The following DTNA variants were observed in gnomAD, a reference collection of about 807,000 sequenced individuals.
DTNA encodes dystrobrevin alpha.
Under a neutral mutation model 100.7 loss-of-function variants are expected in DTNA, and 43 were observed. That is an observed-to-expected ratio of 0.43 (90% CI 0.33 to 0.55). The LOEUF is 0.55. Ranked by LOEUF, DTNA falls within the 20% of genes least tolerant of loss-of-function variation. The probability of loss-of-function intolerance (pLI) is 0.04; values close to 1 mark genes in which losing one functional copy is unlikely to be tolerated. For synonymous variants in DTNA, 349 were observed against 347.9 expected, an observed-to-expected ratio of 1.00 and a Z score of -0.04; for missense variants, 798 against 953.9, an observed-to-expected ratio of 0.84 and a Z score of 2.15.
intron 1 of DTNA, among the ~76,000 whole-genome samples, chr18:34,646,293 T>C (rs2059827622): frequency 6.6e-6 from 1 of 152,208 alleles, no homozygotes; most frequent in Non-Finnish European, 1.5e-5. Flanking sequence ...GAAATGGCAA[T>C]AAACTTATTT....
intron 1 of DTNA, among the ~76,000 whole-genome samples, chr18:34,517,112 C>T (rs1470574841): frequency 6.6e-6 from 1 of 152,094 alleles, no homozygotes; most frequent in African/African-American, 2.4e-5. Flanking sequence ...CAGCTGGTCC[C>T]TCTGTTCGGG....
intron 5 of DTNA, among the ~76,000 whole-genome samples, chr18:34,809,558 G>A (rs2095440063): frequency 1.3e-5 from 2 of 152,158 alleles, no homozygotes; most frequent in Admixed American, 6.5e-5. Context: ...GAATGTTTCA[G>A]GCTTGAGGGT....
At chr18:34,859,760 G>T (rs1019451460) in intron 16 of DTNA, among the ~76,000 whole-genome samples, 1 of 151,752 alleles carries the variant, frequency 6.6e-6, no homozygotes, top group Non-Finnish European at 1.5e-5. Flanking sequence ...AGATTCTGCC[G>T]CTGCATTTCA....
chr18:34,500,796 G>A (rs1244775823), intron 1 of DTNA, among the ~76,000 whole-genome samples: 7 of 152,070 alleles, frequency 4.6e-5, no homozygotes, highest in Non-Finnish European at 8.8e-5. Flanking sequence ...TCATAGTTGA[G>A]TATGTTAATG....
intron 3 of DTNA, among the ~76,000 whole-genome samples, chr18:34,793,188 A>G (rs573004250): frequency 3.9e-5 from 6 of 152,354 alleles, no homozygotes; most frequent in Admixed American, 2.6e-4. Flanking sequence ...TGGAACAGGG[A>G]ATGAGGATGG....
At chr18:34,699,399 A>T (rs985156710) in intron 1 of DTNA, among the ~76,000 whole-genome samples, 3 of 152,182 alleles carry the variant, frequency 2.0e-5, no homozygotes, top group Admixed American at 2.0e-4. Flanking sequence ...CAGACACTGT[A>T]ATTTTAACAG....
At chr18:34,659,061 C>T (rs889869957) in intron 1 of DTNA, among the ~76,000 whole-genome samples, 10 of 152,070 alleles carry the variant, frequency 6.6e-5, no homozygotes, top group Non-Finnish European at 1.3e-4. Context: ...AAAACACCTA[C>T]TGCCTTCCTA....
chr18:34,606,171 A>G (rs1278540498), intron 1 of DTNA, among the ~76,000 whole-genome samples: 3 of 152,094 alleles, frequency 2.0e-5, no homozygotes, highest in African/African-American at 7.2e-5. Flanking sequence ...GGGTATTTGC[A>G]TGCATTATTT....
intron 1 of DTNA, among the ~76,000 whole-genome samples, chr18:34,642,153 A>C (rs2059346155): frequency 6.6e-6 from 1 of 152,196 alleles, no homozygotes; most frequent in Non-Finnish European, 1.5e-5. Context: ...AAAGCAGCAG[A>C]GAGTCTGTGA....
intron 1 of DTNA, among the ~76,000 whole-genome samples, chr18:34,559,918 C>A (rs1397403004): frequency 6.6e-6 from 1 of 152,202 alleles, no homozygotes. Context: ...AAATATATTA[C>A]TTCCTGTTTT....
At chr18:34,706,313 T>G (rs1007001599), upstream of DTNA, among the ~76,000 whole-genome samples, 4 of 152,216 alleles carry the variant, frequency 2.6e-5, no homozygotes, top group Admixed American at 2.6e-4. Context: ...ATAGTTGAAT[T>G]ATAAGTGCTT....
chr18:34,714,820 A>G (rs1487135650), intron 1 of DTNA, among the ~76,000 whole-genome samples: 1 of 152,200 alleles, frequency 6.6e-6, no homozygotes, highest in Non-Finnish European at 1.5e-5. Flanking sequence ...ACGTCCAACA[A>G]TGATAGACTG....
chr18:34,588,630 TGAG>T (rs1278629388), intron 1 of DTNA, among the ~76,000 whole-genome samples: 3 of 151,760 alleles, frequency 2.0e-5, no homozygotes, highest in Non-Finnish European at 2.9e-5. Context: ...TCTTCAAAGA[TGAG>T]GAGGAGGGTG....
chr18:34,799,548 A>G (rs567822444), intron 4 of DTNA, among the ~76,000 whole-genome samples: 1 of 152,364 alleles, frequency 6.6e-6, no homozygotes, highest in Admixed American at 6.5e-5. Context: ...TTTATTATCT[A>G]TACAGCCAAG....
At chr18:34,796,803 T>G (rs1316201183) in intron 4 of DTNA, among the ~76,000 whole-genome samples, 2 of 152,158 alleles carry the variant, frequency 1.3e-5, no homozygotes. Flanking sequence ...TTCACTAGAC[T>G]CCCAGGTAGT....
At chr18:34,615,066 A>G (rs1039838244) in intron 1 of DTNA, among the ~76,000 whole-genome samples, 1 of 152,208 alleles carries the variant, frequency 6.6e-6, no homozygotes, top group Admixed American at 6.5e-5. Context: ...ATAAGAAAAG[A>G]GGTTTAATTG....
At chr18:34,701,965 A>T (rs769955940) in intron 1 of DTNA, among the ~76,000 whole-genome samples, 1 of 152,152 alleles carries the variant, frequency 6.6e-6, no homozygotes, top group Non-Finnish European at 1.5e-5. Flanking sequence ...TGTTATTTTA[A>T]AAACAAAAGT....
chr18:34,713,716 C>A (rs1033734073), intron 1 of DTNA, among the ~76,000 whole-genome samples: 14 of 151,932 alleles, frequency 9.2e-5, no homozygotes, highest in Non-Finnish European at 2.1e-4. Flanking sequence ...CTGTAAATTA[C>A]CTTGGGCAGT....
intron 9 of DTNA, among the ~76,000 whole-genome samples, chr18:34,826,409 T>C (rs2095859598): frequency 6.6e-6 from 1 of 152,078 alleles, no homozygotes; most frequent in Non-Finnish European, 1.5e-5. Flanking sequence ...AATGAATTTT[T>C]GCATGTAGTA....
Sources: allele counts gnomAD v4.1 joint callset (sites outside exome capture counted in the v4.1 genomes callset), GRCh38; gene constraint gnomAD v4.1.1; transcripts MANE v1.5; gene names NCBI Gene and HGNC (gene_info 2026-07-23, HGNC 2026-07-21).